The following LARS2 variants were observed in gnomAD, a reference collection of about 807,000 sequenced individuals.
The protein encoded by LARS2 is leucine--tRNA ligase, mitochondrial.
A neutral mutation model predicts 116.6 loss-of-function variants in LARS2; 81 were observed. The ratio of observed to expected loss-of-function variants is 0.69; its 90% CI spans 0.58 to 0.84. The LOEUF is 0.84. Among genes scored for constraint, LARS2 ranks in the 40% least tolerant of loss-of-function variants. The pLI, the probability that LARS2 is intolerant of heterozygous loss-of-function variation, is 0.00. For synonymous variants in LARS2, 396 were observed against 407.2 expected (o/e 0.97, Z 0.33); for missense variants, 968 against 1,114.5 (o/e 0.87, Z 1.87).
rs1180010440 is a variant in LARS2 at position 45,484,620 on chromosome 3, A to ATATATATATATATATATATAT, written c.1019-1072_1019-1071insTATATATATATATATATATAT. On this transcript the variant is annotated intron_variant, in intron 10 of 21. Transcript: ENST00000645846. ...TGTCTCTACAAAAAAAAAAAAAAAA[A>ATATATATATATATATATATAT]AAAAAAAAAAATATATATATATATA... Among the ~76,000 whole-genome samples the ATATATATATATATATATATAT allele has an allele frequency of 1.6e-3, 22 of 13,996 alleles. 1 individual carries two copies. The highest frequency in any genetic ancestry group is 4.0e-3 in the Non-Finnish European group (16 of 3,974). The allele number at this position is 13,996 out of a possible 152,430, so 9.2% of individuals were successfully genotyped here.
chr3:45,447,033 A>G (rs1699033424), intron 7 of LARS2, 53 bp downstream of exon 7: 4 of 1,076,564 alleles, frequency 3.7e-6, no homozygotes, highest in African/African-American at 3.2e-5. Context: ...TTTAGGATAC[A>G]TCATTGTAGT....
intron 7 of LARS2, among the ~76,000 whole-genome samples, chr3:45,447,709 G>A (rs917175834): frequency 6.6e-6 from 1 of 152,150 alleles, no homozygotes; most frequent in African/African-American, 2.4e-5. Context: ...TATTACAGTA[G>A]CAGAAAATGG....
intron 20 of LARS2, among the ~76,000 whole-genome samples, chr3:45,528,343 C>T (rs1192676393): frequency 2.0e-5 from 3 of 152,126 alleles, no homozygotes; most frequent in African/African-American, 7.2e-5. Flanking sequence ...TCTCACAAAA[C>T]ATAGAAAAAG....
rs573070110 is a variant in LARS2, at chr3:45,503,650, A to G, written c.1760+3071A>G. 2.4e-4 allele frequency among the ~76,000 whole-genome samples: 36 copies of G among 151,938 alleles called. No homozygotes were observed. The South Asian group carries it at 3.5e-3, about 15-fold the overall frequency. On this transcript the variant is annotated intron_variant, in intron 15 of 21. Coordinates refer to ENST00000645846, the MANE Select transcript of LARS2 (RefSeq NM_015340.4). ...AGGCTCTCTTGTCTGCTGTATTACC[A>G]GAAGCATAATTGCTGGATTTTTTTT...
chr3:45,470,812 C>A (rs2125716295), intron 8 of LARS2, among the ~76,000 whole-genome samples: 1 of 152,220 alleles, frequency 6.6e-6, no homozygotes, highest in South Asian at 2.1e-4. Flanking sequence ...AAGGGCATTT[C>A]TTTCAACTCT....
At chr3:45,473,518 G>A (rs1699561751) in intron 8 of LARS2, among the ~76,000 whole-genome samples, 2 of 151,634 alleles carry the variant, frequency 1.3e-5, no homozygotes, top group Non-Finnish European at 2.9e-5. Context: ...CAAGTACCTG[G>A]GACTACAGGC....
intron 4 of LARS2, among the ~76,000 whole-genome samples, chr3:45,415,721 G>T (rs950968389): frequency 4.0e-5 from 6 of 151,778 alleles, no homozygotes; most frequent in African/African-American, 1.5e-4. Context: ...GGGGGTATGT[G>T]CCTGTAATCC....
intron 9 of LARS2, among the ~76,000 whole-genome samples, chr3:45,474,872 G>T (rs1191178048): frequency 6.6e-6 from 1 of 152,122 alleles, no homozygotes; most frequent in Admixed American, 6.6e-5. Flanking sequence ...TTAAAAGCCA[G>T]GGAAGCAGAA....
chr3:45,533,016 T>G (rs1443812570), intron 20 of LARS2, among the ~76,000 whole-genome samples: 3 of 152,064 alleles, frequency 2.0e-5, no homozygotes, highest in Non-Finnish European at 1.5e-5. Context: ...ACAGACACCC[T>G]TAAGGGAGGG....
chr3:45,467,613 A>G (rs965539432), intron 8 of LARS2, among the ~76,000 whole-genome samples: 1 of 152,248 alleles, frequency 6.6e-6, no homozygotes, highest in Non-Finnish European at 1.5e-5. Flanking sequence ...ATATTGTAAG[A>G]TACCACTGAT....
intron 4 of LARS2, among the ~76,000 whole-genome samples, chr3:45,409,652 C>T (rs929546957): frequency 4.6e-5 from 7 of 152,090 alleles, no homozygotes; most frequent in Admixed American, 6.6e-5. Context: ...GTGAGCTTTG[C>T]GCTTGGTCAC....
chr3:45,535,185 TA>T (rs1186686196), intron 20 of LARS2, among the ~76,000 whole-genome samples: 4 of 151,700 alleles, frequency 2.6e-5, no homozygotes, highest in Non-Finnish European at 5.9e-5. Flanking sequence ...CTGTCTCTAC[TA>T]AAAAAATACA....
intron 21 of LARS2, 111 bp downstream of exon 21, chr3:45,542,067 G>GCTCAGCC: frequency 1.5e-6 from 2 of 1,377,588 alleles, no homozygotes; most frequent in Non-Finnish European, 1.0e-6. Flanking sequence ...AGCTCACTCA[G>GCTCAGCC]CTCAGCCCTC....
chr3:45,459,259 C>G (rs534754858), intron 8 of LARS2, among the ~76,000 whole-genome samples: 162 of 152,156 alleles, frequency 1.1e-3, no homozygotes, highest in Non-Finnish European at 1.8e-3. Flanking sequence ...CTGATGAGAC[C>G]TCCAGAAAGA....
chr3:45,503,723 T>A lies in LARS2; in HGVS notation c.1760+3144T>A, dbSNP rs565376246. Among the ~76,000 whole-genome samples the A allele has an allele frequency of 2.6e-4, 39 of 152,074 alleles. 2 individuals are homozygous for A. In the South Asian group the frequency reaches 7.1e-3, roughly 28 times the overall value. On this transcript the variant is annotated intron_variant, in intron 15 of 21. Coordinates refer to ENST00000645846, the MANE Select transcript of LARS2 (RefSeq NM_015340.4). ...TTCTGTTTGTTTGTTTACTACAACATCCTTTAGAATATTTTTTAATTACAG... is the reference window on the plus strand; with the variant it reads ...TTCTGTTTGTTTGTTTACTACAACAACCTTTAGAATATTTTTTAATTACAG...
At chr3:45,492,619 C>T (rs1294239098) in intron 13 of LARS2, among the ~76,000 whole-genome samples, 1 of 152,174 alleles carries the variant, frequency 6.6e-6, no homozygotes, top group Admixed American at 6.5e-5. Flanking sequence ...GGCTCTGCCT[C>T]CTAACTAACT....
chr3:45,447,146 G>A (rs1699035622), intron 7 of LARS2, among the ~76,000 whole-genome samples, 166 bp downstream of exon 7: 1 of 152,106 alleles, frequency 6.6e-6, no homozygotes, highest in Non-Finnish European at 1.5e-5. Flanking sequence ...GACAGGGTCT[G>A]GGCTTCTTTT....
chr3:45,543,699 A>G (rs1268009931), intron 21 of LARS2, among the ~76,000 whole-genome samples: 2 of 152,002 alleles, frequency 1.3e-5, no homozygotes, highest in Non-Finnish European at 2.9e-5. Context: ...CCTGACCTCA[A>G]GTGATCTGCC....
intron 15 of LARS2, among the ~76,000 whole-genome samples, chr3:45,503,055 C>A (rs726136): frequency 0.87 from 129,946 of 149,638 alleles, 59,155 homozygotes; most frequent in East Asian, 1. Flanking sequence ...TTCTTGAACC[C>A]TTTTTTTTTT....
Sources: gnomAD v4.1 joint callset for allele counts (sites outside exome capture counted in the v4.1 genomes callset) on GRCh38, gnomAD v4.1.1 for gene constraint, MANE v1.5 for transcripts, NCBI Gene and HGNC (gene_info 2026-07-23, HGNC 2026-07-21) for gene names.